SMPD3: variants seen among roughly 807,000 people sequenced by gnomAD.
SMPD3 encodes sphingomyelin phosphodiesterase 3.
In SMPD3, 21 loss-of-function variants were observed where a neutral mutation model predicts 55.7. That is an observed-to-expected ratio of 0.38 (90% CI 0.27 to 0.54). The LOEUF (loss-of-function observed/expected upper bound fraction) is 0.54, where lower values mean the gene tolerates loss of function less well. SMPD3 is among the 20% of genes least tolerant of loss of function. SMPD3 has a pLI of 0.80. For synonymous variants in SMPD3, 457 were observed against 404.3 expected (o/e 1.13, Z -1.56); for missense variants, 842 against 899.6 (o/e 0.94, Z 0.82).
intron 1 of SMPD3, among the ~76,000 whole-genome samples, chr16:68,388,745 G>C (rs1475551807): frequency 6.6e-6 from 1 of 152,008 alleles, no homozygotes; most frequent in African/African-American, 2.4e-5. Flanking sequence ...AGGGGTTCCT[G>C]AGGGGAAATG....
chr16:68,365,664 G>A (rs1037153722), intron 3 of SMPD3, among the ~76,000 whole-genome samples: 3 of 152,096 alleles, frequency 2.0e-5, no homozygotes, highest in Non-Finnish European at 2.9e-5. Flanking sequence ...GTTGTCACCC[G>A]TCTTGGATGA....
intron 1 of SMPD3, among the ~76,000 whole-genome samples, chr16:68,425,198 C>T (rs142208309): frequency 2.7e-3 from 418 of 152,344 alleles, no homozygotes; most frequent in Middle Eastern, 0.017. Context: ...GAATTAGAAC[C>T]TCTGGCTTTA....
intron 5 of SMPD3, 140 bp from the exon 6 acceptor site, chr16:68,364,006 A>G (rs1465470): frequency 0.73 from 533,125 of 727,732 alleles, 197,597 homozygotes; most frequent in African/African-American, 0.94. Flanking sequence ...GTGGGATCTC[A>G]GTCCCATTCA....
chr16:68,407,360 T>TA (rs2090262799), intron 1 of SMPD3, among the ~76,000 whole-genome samples: 1 of 152,242 alleles, frequency 6.6e-6, no homozygotes, highest in Non-Finnish European at 1.5e-5. Flanking sequence ...AAGAATAATT[T>TA]AAATGATCAG....
intron 1 of SMPD3, among the ~76,000 whole-genome samples, chr16:68,405,898 G>C (rs1334388759): frequency 6.6e-6 from 1 of 152,164 alleles, no homozygotes; most frequent in African/African-American, 2.4e-5. Flanking sequence ...GCTGTCGTCC[G>C]CCCTTAACCC....
Position 68,372,300 on chromosome 16 carries a change from G to T in SMPD3, c.-119C>A. The stretch of plus-strand genomic sequence containing the variant: ...GCTGGAGGAGGGGTCACCTCCTGGC[G>T]AGATGCAACTCCGGCTGGTCAATGG... On this transcript the variant is annotated 5_prime_UTR_variant, in exon 3 of 9. Coordinates refer to ENST00000219334, the MANE Select transcript of SMPD3 (RefSeq NM_018667.4). 1 of 1,310,310 alleles carries T rather than the reference G, an allele frequency of 7.6e-7. No individual in the cohort carries two copies. 81.2% of individuals were successfully genotyped at this position (1,310,310 alleles called of 1,614,324 possible). A position where few individuals can be genotyped will look rare whatever the true frequency, so the allele number is the denominator to read the frequency against.
At chr16:68,395,494 G>T (rs987612278) in intron 1 of SMPD3, among the ~76,000 whole-genome samples, 1 of 152,164 alleles carries the variant, frequency 6.6e-6, no homozygotes, top group Non-Finnish European at 1.5e-5. Context: ...GGTTTAAAGC[G>T]TGCCCTCTGG....
chr16:68,426,090 G>C (rs533708425), intron 1 of SMPD3, among the ~76,000 whole-genome samples: 1 of 152,018 alleles, frequency 6.6e-6, no homozygotes, highest in Non-Finnish European at 1.5e-5. Flanking sequence ...TAAAATAGAG[G>C]CTCTATTTTA....
chr16:68,428,744 T>C (rs2090457119), intron 1 of SMPD3, among the ~76,000 whole-genome samples: 1 of 152,132 alleles, frequency 6.6e-6, no homozygotes, highest in African/African-American at 2.4e-5. Context: ...CACAGAACCC[T>C]CTGTCGATAC....
rs538720408 is a variant in SMPD3, at chr16:68,429,185, T to C, written c.-269+19168A>G. Among the ~76,000 whole-genome samples, 6 of 152,314 alleles carry C rather than the reference T, an allele frequency of 3.9e-5. No homozygotes were observed. In the South Asian group the frequency reaches 6.2e-4, roughly 16 times the overall value. On this transcript the variant is annotated intron_variant, in intron 1 of 8. Coordinates refer to ENST00000219334, the MANE Select transcript of SMPD3 (RefSeq NM_018667.4). ...TGGATTGCTAGTGGTCTAATCTCCA[T>C]TGTGGGCAAAGCCAATGCCTGTCTG...
intron 1 of SMPD3, among the ~76,000 whole-genome samples, chr16:68,444,155 G>A (rs547117721): frequency 6.6e-6 from 1 of 152,282 alleles, no homozygotes; most frequent in South Asian, 2.1e-4. Flanking sequence ...CAGCTTTGGG[G>A]AAATCCTCTT....
At chr16:68,426,401 C>T (rs1008670657) in intron 1 of SMPD3, among the ~76,000 whole-genome samples, 1 of 152,154 alleles carries the variant, frequency 6.6e-6, no homozygotes, top group Admixed American at 6.5e-5. Context: ...CCTGGTCACA[C>T]TGACAACCAG....
chr16:68,426,787 C>T (rs2090439252), intron 1 of SMPD3, among the ~76,000 whole-genome samples: 1 of 152,064 alleles, frequency 6.6e-6, no homozygotes, highest in Admixed American at 6.5e-5. Flanking sequence ...CTGGGCTGTT[C>T]AACTTTTTAT....
chr16:68,420,872 A>T (rs1428377787), intron 1 of SMPD3, among the ~76,000 whole-genome samples: 2 of 152,208 alleles, frequency 1.3e-5, no homozygotes, highest in Non-Finnish European at 2.9e-5. Context: ...CCACTTCAAC[A>T]TGTCTTCAGC....
intron 2 of SMPD3, among the ~76,000 whole-genome samples, chr16:68,373,235 A>C (rs1311026776): frequency 1.3e-5 from 2 of 152,208 alleles, no homozygotes; most frequent in Non-Finnish European, 2.9e-5. Context: ...CAGCCATCTG[A>C]ATAAGCCCAC....
chr16:68,373,835 C>T (rs1343698344), intron 2 of SMPD3, among the ~76,000 whole-genome samples: 1 of 152,190 alleles, frequency 6.6e-6, no homozygotes, highest in African/African-American at 2.4e-5. Flanking sequence ...CGGGTCTCTG[C>T]AGCCCCCTCC....
At chr16:68,429,228 G>A (rs1198811300) in intron 1 of SMPD3, among the ~76,000 whole-genome samples, 1 of 152,370 alleles carries the variant, frequency 6.6e-6, no homozygotes, top group South Asian at 2.1e-4. Flanking sequence ...GCTGGATACA[G>A]TGGGCTCCAT....
At chr16:68,389,135 C>T (rs1374687014) in intron 1 of SMPD3, among the ~76,000 whole-genome samples, 2 of 152,250 alleles carry the variant, frequency 1.3e-5, no homozygotes, top group South Asian at 2.1e-4. Context: ...TGGCAGCTGG[C>T]TTGTGCCTGG....
At chr16:68,430,386 G>A (rs1433887106) in intron 1 of SMPD3, among the ~76,000 whole-genome samples, 1 of 152,220 alleles carries the variant, frequency 6.6e-6, no homozygotes, top group Admixed American at 6.5e-5. Context: ...GCCATGGGTT[G>A]TGATTCTGTG....
Sources: allele counts gnomAD v4.1 joint callset (sites outside exome capture counted in the v4.1 genomes callset), GRCh38; gene constraint gnomAD v4.1.1; transcripts MANE v1.5; gene names NCBI Gene and HGNC (gene_info 2026-07-23, HGNC 2026-07-21).